TMPRSS11E: variants seen among roughly 807,000 people sequenced by gnomAD.
TMPRSS11E encodes the protein transmembrane serine protease 11E, also known as transmembrane protease serine 11E.
In TMPRSS11E, 38 loss-of-function variants were observed where a neutral mutation model predicts 48.1. The observed-to-expected ratio is 0.79, with a 90% confidence interval of 0.61 to 1.04. The LOEUF is 1.04. Ranked by LOEUF, TMPRSS11E falls within the 50% of genes least tolerant of loss-of-function variation. The pLI, the probability that TMPRSS11E is intolerant of heterozygous loss-of-function variation, is 0.00. For missense variants in TMPRSS11E, 530 were observed against 510.8 expected (o/e 1.04, Z -0.36); for synonymous variants, 158 against 171.9 (o/e 0.92, Z 0.63).
At chr4:68,496,110 C>T (rs1262524552) in intron 9 of TMPRSS11E, among the ~76,000 whole-genome samples, 1 of 152,118 alleles carries the variant, frequency 6.6e-6, no homozygotes, top group Non-Finnish European at 1.5e-5. Flanking sequence ...ATCTTCATAG[C>T]ACTCATCACA....
At chr4:68,485,805 T>A (rs1027316816) in intron 9 of TMPRSS11E, among the ~76,000 whole-genome samples, 2 of 152,270 alleles carry the variant, frequency 1.3e-5, no homozygotes, top group South Asian at 2.1e-4. Context: ...GCTGTTTTTT[T>A]AAAATTACTG....
intron 2 of TMPRSS11E, 134 bp downstream of exon 2, chr4:68,462,079 C>A: frequency 1.2e-5 from 13 of 1,113,622 alleles, no homozygotes; most frequent in Non-Finnish European, 1.6e-5. Context: ...GGATCTTTAC[C>A]TGCTTTCTCT....
At chr4:68,496,550 T>C in intron 9 of TMPRSS11E, 93 bp from the exon 10 acceptor site, 2 of 1,275,902 alleles carry the variant, frequency 1.6e-6, no homozygotes, top group East Asian at 2.4e-5. Context: ...TTTTGAAAAT[T>C]ACCCCTTTCA....
intron 2 of TMPRSS11E, 81 bp from the exon 3 acceptor site, chr4:68,466,550 G>A: frequency 6.7e-7 from 1 of 1,495,842 alleles, no homozygotes; most frequent in Non-Finnish European, 9.1e-7. Flanking sequence ...CAGTCTTCCA[G>A]CAACCACCAA....
chr4:68,489,123 T>C (rs1469359970), intron 9 of TMPRSS11E, among the ~76,000 whole-genome samples: 3 of 152,236 alleles, frequency 2.0e-5, no homozygotes, highest in Non-Finnish European at 4.4e-5. Context: ...GTCCTTTGTA[T>C]GGAGCTTTTT....
chr4:68,475,371 A>G (rs1221681381), intron 6 of TMPRSS11E, among the ~76,000 whole-genome samples: 1 of 151,122 alleles, frequency 6.6e-6, no homozygotes, highest in Non-Finnish European at 1.5e-5. Flanking sequence ...TATACATTCA[A>G]TAGTTATGGG....
At chr4:68,470,584 A>C (rs189336281) in intron 4 of TMPRSS11E, among the ~76,000 whole-genome samples, 103 of 152,000 alleles carry the variant, frequency 6.8e-4, no homozygotes, top group African/African-American at 2.4e-3. Flanking sequence ...GTGCCAGAGA[A>C]GACAGATATT....
In TMPRSS11E at chr4:68,478,854, A is replaced by C. The variant is rs1371566744; in HGVS notation, c.973A>C (p.Ser325Arg). ...GFGALKNDGY[S>R]QNHLRQAQVT... ...AAGACTTTTTTTTCTTTTAGGTTAC[A>C]GTCAAAATCATCTTCGACAAGCACA... Residue 325 changes from serine to arginine, a missense_variant, in exon 9 of 10, where the codon AGT becomes CGT. Coordinates refer to ENST00000305363, the MANE Select transcript of TMPRSS11E (RefSeq NM_014058.4). The C allele has an allele frequency of 1.2e-6, 2 of 1,612,972 alleles. No homozygotes were observed. Among genetic ancestry groups the C allele is most frequent in the Non-Finnish European group, 1.7e-6 (2 of 1,179,746 alleles).
Position 68,453,546 on chromosome 4 carries a change from G to A in TMPRSS11E, c.11+6023G>A, listed in dbSNP as rs369846645. On this transcript the variant is annotated intron_variant, in intron 1 of 9. Coordinates refer to ENST00000305363, the MANE Select transcript of TMPRSS11E (RefSeq NM_014058.4). Reference sequence around the variant, plus strand: ...TGTATCTCAAAATTATGCTGCTAGAGAAAATTAAGTTAAAATAGTTTACCA... The same window carrying A: ...TGTATCTCAAAATTATGCTGCTAGAAAAAATTAAGTTAAAATAGTTTACCA... 2.2e-4 allele frequency among the ~76,000 whole-genome samples: 33 copies of A among 152,000 alleles called. 1 individual carries two copies. In the South Asian group the frequency reaches 4.4e-3, roughly 20 times the overall value.
chr4:68,453,097 T>G (rs1264202527), intron 1 of TMPRSS11E, among the ~76,000 whole-genome samples: 1 of 151,934 alleles, frequency 6.6e-6, no homozygotes, highest in African/African-American at 2.4e-5. Flanking sequence ...TTTATTCCCT[T>G]AGGCATACGT....
In TMPRSS11E at chr4:68,474,738, A is replaced by G. The variant is rs1204559283; in HGVS notation, c.506A>G (p.Glu169Gly). 1 of 1,606,082 alleles carries G rather than the reference A, an allele frequency of 6.2e-7. No individual in the cohort carries two copies. The highest frequency in any genetic ancestry group is 1.7e-5 in the Admixed American group (1 of 58,228). Residue 169 changes from glutamate to glycine, a missense_variant, in exon 6 of 10, where the codon GAA (glutamate) becomes GGA (glycine). Transcript: ENST00000305363. Reference protein sequence around the residue: ...SVKIKKINKTETDSYLNHCCG... With the variant: ...SVKIKKINKTGTDSYLNHCCG... ...TGTGTTTCAGAAATCAACAAGACAG[A>G]AACAGACAGCTATCTAAACCATTGT...
intron 4 of TMPRSS11E, 126 bp from the exon 5 acceptor site, chr4:68,471,334 C>G (rs1729059672): frequency 5.0e-6 from 3 of 596,358 alleles, no homozygotes; most frequent in Non-Finnish European, 8.0e-6. Context: ...CCTTCCTTTT[C>G]TCTTTTCTTT....
At position 68,497,244 on chromosome 4, in the gene TMPRSS11E, G is replaced by GA. The variant is rs1729898702; in HGVS notation, c.*447dup. 1 of 152,540 alleles carries GA rather than the reference G, an allele frequency of 6.6e-6. No individual in the cohort carries two copies. The highest frequency in any genetic ancestry group is 2.4e-5 in the African/African-American group (1 of 41,484). 9.4% of individuals were successfully genotyped at this position (152,540 alleles called of 1,614,324 possible). On this transcript the variant is annotated 3_prime_UTR_variant, in exon 10 of 10. Transcript: ENST00000305363. ...CAAGGAGTGAAAGAAAATATAAGAA[G>GA]AAAAAAATCCCCTACATTTTATTGG... is the stretch of plus-strand genomic sequence containing the variant.
At chr4:68,483,462 A>G (rs879495663) in intron 9 of TMPRSS11E, among the ~76,000 whole-genome samples, 7 of 152,134 alleles carry the variant, frequency 4.6e-5, no homozygotes, top group Non-Finnish European at 8.8e-5. Context: ...TTTTTTCCCC[A>G]TTTTAAAAGG....
chr4:68,471,453 C>A lies in TMPRSS11E; in HGVS notation c.327-7C>A. On this transcript the variant is annotated splice_polypyrimidine_tract_variant and splice_region_variant and intron_variant, in intron 4 of 9. Transcript: ENST00000305363. ...TTTCTTTCATTTTCTTCTTTTTTGGCCCACAGTCAACAGAAGCATGGAGTG... is the reference window on the plus strand; with the variant it reads ...TTTCTTTCATTTTCTTCTTTTTTGGACCACAGTCAACAGAAGCATGGAGTG... 1.7e-6 allele frequency: 2 copies of A among 1,182,394 alleles called. No homozygotes were observed. Among genetic ancestry groups the A allele is most frequent in the South Asian group, 1.8e-5 (1 of 55,480 alleles). The allele number at this position is 1,182,394 out of a possible 1,614,324, so 73.2% of individuals were successfully genotyped here.
intron 9 of TMPRSS11E, among the ~76,000 whole-genome samples, chr4:68,489,558 G>A (rs908362592): frequency 1.3e-5 from 2 of 152,208 alleles, no homozygotes; most frequent in African/African-American, 2.4e-5. Flanking sequence ...GAGGCTGCAG[G>A]CAAAGGCATG....
intron 9 of TMPRSS11E, among the ~76,000 whole-genome samples, chr4:68,485,857 A>G (rs1729538325): frequency 6.6e-6 from 1 of 151,706 alleles, no homozygotes; most frequent in Non-Finnish European, 1.5e-5. Flanking sequence ...CAGGTATTCA[A>G]TTTCTTCCTG....
chr4:68,476,771 C>T (rs1216630039), intron 7 of TMPRSS11E, among the ~76,000 whole-genome samples: 1 of 152,028 alleles, frequency 6.6e-6, no homozygotes, highest in Non-Finnish European at 1.5e-5. Context: ...GAGATGGAGT[C>T]TGGATAGGTT....
chr4:68,488,272 T>G (rs747501023), intron 9 of TMPRSS11E, among the ~76,000 whole-genome samples: 1 of 152,216 alleles, frequency 6.6e-6, no homozygotes, highest in Non-Finnish European at 1.5e-5. Flanking sequence ...TTGCTTGCTC[T>G]CTCTCTTTCC....
Sources: allele counts gnomAD v4.1 joint callset (sites outside exome capture counted in the v4.1 genomes callset), GRCh38; gene constraint gnomAD v4.1.1; transcripts MANE v1.5; gene names NCBI Gene and HGNC (gene_info 2026-07-23, HGNC 2026-07-21).